The following OXCT1 variants were observed in gnomAD, a reference collection of about 807,000 sequenced individuals.
OXCT1 encodes the protein 3-oxoacid CoA-transferase 1, also known as succinyl-CoA:3-ketoacid coenzyme A transferase 1, mitochondrial.
Under a neutral mutation model 69.6 loss-of-function variants are expected in OXCT1, and 27 were observed. The observed-to-expected ratio is 0.39, with a 90% confidence interval of 0.29 to 0.54. The LOEUF is 0.54. OXCT1 is among the 20% of genes least tolerant of loss of function. The probability of loss-of-function intolerance (pLI) is 0.72; values close to 1 mark genes in which losing one functional copy is unlikely to be tolerated. For missense variants in OXCT1, 437 were observed against 650.2 expected (o/e 0.67, Z 3.57); for synonymous variants, 202 against 217.8 (o/e 0.93, Z 0.64).
At chr5:41,804,373 G>A (rs772094751) in intron 9 of OXCT1, among the ~76,000 whole-genome samples, 12 of 151,864 alleles carry the variant, frequency 7.9e-5, no homozygotes, top group Non-Finnish European at 1.3e-4. Context: ...ACACCAGGGA[G>A]GAAAAAAGTC....
At chr5:41,821,425 T>C (rs1747542813) in intron 7 of OXCT1, among the ~76,000 whole-genome samples, 1 of 152,224 alleles carries the variant, frequency 6.6e-6, no homozygotes, top group African/African-American at 2.4e-5. Context: ...ATAGGCAATT[T>C]ATTAATCTTT....
At chr5:41,812,030 C>T (rs906079131) in intron 7 of OXCT1, among the ~76,000 whole-genome samples, 2 of 152,014 alleles carry the variant, frequency 1.3e-5, no homozygotes, top group Non-Finnish European at 2.9e-5. Flanking sequence ...ATTATTTGAA[C>T]ATCTTCTATT....
At chr5:41,818,953 A>G (rs1747390356) in intron 7 of OXCT1, among the ~76,000 whole-genome samples, 1 of 152,010 alleles carries the variant, frequency 6.6e-6, no homozygotes, top group Non-Finnish European at 1.5e-5. Context: ...AAAAAAAGCA[A>G]CTAATTTTTC....
chr5:41,790,541 G>T lies in OXCT1; in HGVS notation c.1248+3462C>A, dbSNP rs141872409. 9.8e-5 allele frequency among the ~76,000 whole-genome samples: 15 copies of T among 152,308 alleles called. No individual in the cohort carries two copies. The East Asian group carries it at 2.9e-3, about 29-fold the overall frequency. ...CAAATAGCATCCACACCGTTTGCTT[G>T]CCCTGAAGGCTTAATGTTTATTGTA... On this transcript the variant is annotated intron_variant, in intron 13 of 16. Coordinates refer to ENST00000196371, the MANE Select transcript of OXCT1 (RefSeq NM_000436.4).
chr5:41,859,874 T>TATATATATATTATATATATAG (rs1749641671), intron 3 of OXCT1, among the ~76,000 whole-genome samples: 1 of 120,526 alleles, frequency 8.3e-6, no homozygotes, highest in African/African-American at 2.8e-5. Flanking sequence ...AATATATATA[T>TATATATATATTATATATATAG]ATATATATAT....
intron 13 of OXCT1, among the ~76,000 whole-genome samples, chr5:41,782,326 T>A (rs995228472): frequency 3.3e-5 from 5 of 152,040 alleles, no homozygotes; most frequent in Non-Finnish European, 7.4e-5. Flanking sequence ...GTGATTCTCC[T>A]GCCTCAGCCT....
intron 13 of OXCT1, among the ~76,000 whole-genome samples, chr5:41,791,817 T>A (rs917165702): frequency 6.6e-6 from 1 of 152,074 alleles, no homozygotes. Context: ...TTTTTTTTTT[T>A]ATGAGACGGA....
intron 15 of OXCT1, 125 bp downstream of exon 15, chr5:41,749,402 T>G: frequency 1.5e-6 from 1 of 651,568 alleles, no homozygotes; most frequent in Middle Eastern, 4.1e-4. Flanking sequence ...TGAGCTTTCC[T>G]ATTCGTTCTG....
At chr5:41,809,852 C>A (rs942999863) in intron 7 of OXCT1, among the ~76,000 whole-genome samples, 1 of 151,992 alleles carries the variant, frequency 6.6e-6, no homozygotes. Context: ...AAGAATCTAG[C>A]TAAACATAAA....
intron 13 of OXCT1, among the ~76,000 whole-genome samples, chr5:41,769,700 G>A (rs372528329): frequency 3.3e-5 from 5 of 151,888 alleles, no homozygotes; most frequent in East Asian, 1.9e-4. Flanking sequence ...CAACCTGGTC[G>A]ACAGAGAGAA....
intron 5 of OXCT1, 142 bp downstream of exon 5, chr5:41,849,888 T>G: frequency 2.3e-6 from 2 of 855,928 alleles, no homozygotes. Flanking sequence ...CAGATTTAGC[T>G]AGAAATTTCA....
chr5:41,833,942 A>G (rs1748224106), intron 7 of OXCT1, among the ~76,000 whole-genome samples: 1 of 151,756 alleles, frequency 6.6e-6, no homozygotes, highest in South Asian at 2.1e-4. Context: ...CGCACCTTTA[A>G]TCCCAGCTAC....
chr5:41,855,624 G>A (rs115023978), intron 3 of OXCT1, among the ~76,000 whole-genome samples: 133 of 152,254 alleles, frequency 8.7e-4, no homozygotes, highest in African/African-American at 3.0e-3. Context: ...CCACAGGTTT[G>A]TTAATTCATC....
chr5:41,852,813 C>T (rs1221075826), intron 4 of OXCT1, among the ~76,000 whole-genome samples: 1 of 152,100 alleles, frequency 6.6e-6, no homozygotes, highest in Non-Finnish European at 1.5e-5. Context: ...GTGGCTTACA[C>T]CTGTGAGGCC....
At chr5:41,802,827 A>G (rs2112263045) in intron 10 of OXCT1, among the ~76,000 whole-genome samples, 1 of 152,230 alleles carries the variant, frequency 6.6e-6, no homozygotes, top group South Asian at 2.1e-4. Flanking sequence ...GAAAAATTAA[A>G]TATTTTATCA....
At chr5:41,846,214 C>T (rs1352580460) in intron 5 of OXCT1, among the ~76,000 whole-genome samples, 1 of 150,526 alleles carries the variant, frequency 6.6e-6, no homozygotes, top group Non-Finnish European at 1.5e-5. Flanking sequence ...ATGTGCCATG[C>T]TGGTGTGCTG....
intron 3 of OXCT1, among the ~76,000 whole-genome samples, chr5:41,854,849 T>C (rs1749358711): frequency 2.6e-5 from 4 of 152,150 alleles, no homozygotes; most frequent in Admixed American, 2.6e-4. Flanking sequence ...TAAACTGAAA[T>C]GACCACCTTG....
At chr5:41,805,423 T>TAAAAA in intron 9 of OXCT1, 144 bp downstream of exon 9, 1 of 570,108 alleles carries the variant, frequency 1.8e-6, no homozygotes. Context: ...CCACATTTTG[T>TAAAAA]AAAAAAAAAA....
At chr5:41,824,278 G>A (rs992908752) in intron 7 of OXCT1, among the ~76,000 whole-genome samples, 4 of 152,072 alleles carry the variant, frequency 2.6e-5, no homozygotes, top group African/African-American at 9.7e-5. Context: ...GTAAGTGCAT[G>A]GTATAAACAG....
Sources: allele counts gnomAD v4.1 joint callset (sites outside exome capture counted in the v4.1 genomes callset), GRCh38; gene constraint gnomAD v4.1.1; transcripts MANE v1.5; gene names NCBI Gene and HGNC (gene_info 2026-07-23, HGNC 2026-07-21).